The following DSCAM variants were observed in gnomAD, a reference collection of about 807,000 sequenced individuals.
DSCAM encodes DS cell adhesion molecule.
A neutral mutation model predicts 217.7 loss-of-function variants in DSCAM; 47 were observed. The ratio of observed to expected loss-of-function variants is 0.22; its 90% CI spans 0.17 to 0.28. The LOEUF is 0.28. Ranked by LOEUF, DSCAM falls within the 10% of genes least tolerant of loss-of-function variation. The pLI is 1.00. For missense variants in DSCAM, 2,080 were observed against 2,618.3 expected, an observed-to-expected ratio of 0.79 and a Z score of 4.49; for synonymous variants, 1,056 against 1,015.3, an observed-to-expected ratio of 1.04 and a Z score of -0.76.
intron 3 of DSCAM, among the ~76,000 whole-genome samples, chr21:40,441,863 G>C (rs1460978697): frequency 6.6e-6 from 1 of 152,156 alleles, no homozygotes; most frequent in Non-Finnish European, 1.5e-5. Flanking sequence ...TTCTGAGTTT[G>C]TTGGCAACTC....
chr21:40,027,611 CTTCATTTCA>C (rs1192107935), intron 32 of DSCAM, among the ~76,000 whole-genome samples: 14 of 65,504 alleles, frequency 2.1e-4, no homozygotes, highest in Non-Finnish European at 3.0e-4. Context: ...TCCCTTCTTG[CTTCATTTCA>C]TTCATTTCAT....
intron 1 of DSCAM, among the ~76,000 whole-genome samples, chr21:40,767,507 C>G (rs547797417): frequency 1.3e-5 from 2 of 152,248 alleles, no homozygotes; most frequent in African/African-American, 4.8e-5. Context: ...GAAAGTTGAC[C>G]TTTAGGATGA....
At chr21:40,249,774 TCATGGGGAAAATG>T (rs1424956695) in intron 11 of DSCAM, among the ~76,000 whole-genome samples, 1 of 152,088 alleles carries the variant, frequency 6.6e-6, no homozygotes, top group Non-Finnish European at 1.5e-5. Flanking sequence ...AATCATGGCT[TCATGGGGAAAATG>T]CAGGGGTTCC....
intron 2 of DSCAM, among the ~76,000 whole-genome samples, chr21:40,706,180 C>CAAAAA (rs560131166): frequency 2.5e-4 from 25 of 99,466 alleles, no homozygotes; most frequent in Middle Eastern, 0.011. Context: ...ACTCCAGTCT[C>CAAAAA]AAAAAAAAAA....
intron 3 of DSCAM, among the ~76,000 whole-genome samples, chr21:40,576,204 T>C (rs966902344): frequency 3.3e-5 from 5 of 152,196 alleles, no homozygotes; most frequent in African/African-American, 1.2e-4. Flanking sequence ...CCCAAAAGTC[T>C]GGCAACAGAA....
At chr21:40,267,743 A>G (rs2123351237) in intron 11 of DSCAM, among the ~76,000 whole-genome samples, 1 of 152,176 alleles carries the variant, frequency 6.6e-6, no homozygotes, top group East Asian at 1.9e-4. Context: ...CTAAAATATA[A>G]AACTTAGACG....
chr21:40,318,294 C>T (rs978999043), intron 8 of DSCAM, among the ~76,000 whole-genome samples: 8 of 148,324 alleles, frequency 5.4e-5, no homozygotes, highest in South Asian at 2.1e-4. Context: ...GTGTAACTAA[C>T]GTGTACATTG....
intron 20 of DSCAM, among the ~76,000 whole-genome samples, chr21:40,104,327 C>T (rs1036750438): frequency 6.6e-5 from 10 of 151,960 alleles, no homozygotes; most frequent in Non-Finnish European, 1.3e-4. Context: ...ATAATATATG[C>T]AGAATTTACA....
intron 9 of DSCAM, among the ~76,000 whole-genome samples, chr21:40,310,165 T>C (rs2074122357): frequency 2.0e-5 from 3 of 152,184 alleles, no homozygotes; most frequent in Non-Finnish European, 4.4e-5. Context: ...GCAATCTGAA[T>C]GTACAACAAA....
Position 40,062,890 on chromosome 21 carries a change from C to T in DSCAM, c.4898G>A (p.Ser1633Asn). 2 of 1,598,282 alleles carry T rather than the reference C, an allele frequency of 1.3e-6. No homozygotes were observed. The highest frequency in any genetic ancestry group is 1.7e-6 in the Non-Finnish European group (2 of 1,174,948). Residue 1633 changes from serine to asparagine, a missense_variant, in exon 28 of 33, where the codon AGT (serine) becomes AAT (asparagine). This residue lies in a region of DSCAM where 1,144 missense variants were observed against 1,421.1 expected (regional missense o/e 0.81). Coordinates refer to ENST00000400454, the MANE Select transcript of DSCAM (RefSeq NM_001389.5). ...TTACCTCATGAGCATTTCAGCTAAA[C>T]TCTTTGCATCTGGGGAAAGAAAGTT... ...QRLKRLRDAK[S>N]LAEMLMSKNT...
chr21:40,579,537 A>G (rs1411900555), intron 3 of DSCAM, among the ~76,000 whole-genome samples: 1 of 152,162 alleles, frequency 6.6e-6, no homozygotes, highest in Non-Finnish European at 1.5e-5. Flanking sequence ...AACAGCCAGA[A>G]TCCTTGGATT....
intron 18 of DSCAM, among the ~76,000 whole-genome samples, chr21:40,140,396 A>T (rs1374399745): frequency 1.3e-5 from 2 of 152,228 alleles, no homozygotes; most frequent in Non-Finnish European, 1.5e-5. Context: ...CTTTAAAGGT[A>T]TGAAGCCACA....
At chr21:40,524,057 A>T (rs923047665) in intron 3 of DSCAM, among the ~76,000 whole-genome samples, 1 of 152,230 alleles carries the variant, frequency 6.6e-6, no homozygotes, top group African/African-American at 2.4e-5. Context: ...AATTCGGCTT[A>T]TAACAAAAAA....
intron 3 of DSCAM, among the ~76,000 whole-genome samples, chr21:40,476,805 G>T (rs1337987510): frequency 6.6e-6 from 1 of 152,054 alleles, no homozygotes; most frequent in East Asian, 1.9e-4. Flanking sequence ...TCAATAAGAA[G>T]AATGAGTGGA....
chr21:40,303,915 C>G (rs2074043436), intron 9 of DSCAM, among the ~76,000 whole-genome samples: 2 of 152,162 alleles, frequency 1.3e-5, no homozygotes, highest in Admixed American at 6.5e-5. Context: ...CCTTTGGAAT[C>G]ACAGATAGGA....
At chr21:40,300,351 C>T (rs560357385) in intron 9 of DSCAM, among the ~76,000 whole-genome samples, 2 of 152,324 alleles carry the variant, frequency 1.3e-5, no homozygotes, top group East Asian at 3.9e-4. Context: ...TTATCAGGTG[C>T]TGATGATTAT....
At chr21:40,299,670 G>C (rs1039543354) in intron 9 of DSCAM, among the ~76,000 whole-genome samples, 6 of 152,080 alleles carry the variant, frequency 3.9e-5, no homozygotes, top group African/African-American at 1.2e-4. Flanking sequence ...TAAAATTCCA[G>C]GGCAGGGGAG....
At chr21:40,033,264 C>T (rs1357911826) in intron 32 of DSCAM, among the ~76,000 whole-genome samples, 3 of 152,146 alleles carry the variant, frequency 2.0e-5, no homozygotes, top group Non-Finnish European at 2.9e-5. Flanking sequence ...TCTGAGGTAC[C>T]GGGTTCATCT....
intron 3 of DSCAM, among the ~76,000 whole-genome samples, chr21:40,507,767 A>G (rs1361564978): frequency 6.6e-6 from 1 of 152,182 alleles, no homozygotes. Flanking sequence ...TGGGTGACAG[A>G]GCACAGCAAG....
Sources: gnomAD v4.1 joint callset for allele counts (sites outside exome capture counted in the v4.1 genomes callset) on GRCh38, gnomAD v4.1.1 for gene constraint, gnomAD v4.1.1 regional missense constraint, MANE v1.5 for transcripts, NCBI Gene and HGNC (gene_info 2026-07-23, HGNC 2026-07-21) for gene names.